SLC8A1: variants seen among roughly 807,000 people sequenced by gnomAD.
SLC8A1 encodes the protein sodium/calcium exchanger 1.
In SLC8A1, 18 loss-of-function variants were observed where a neutral mutation model predicts 68.3. The observed-to-expected ratio is 0.26, with a 90% CI of 0.18 to 0.39. SLC8A1 has a LOEUF of 0.39. Among genes scored for constraint, SLC8A1 ranks in the 10% least tolerant of loss-of-function variants. The pLI is 1.00. For missense variants in SLC8A1, 985 were observed against 1,156.7 expected, an observed-to-expected ratio of 0.85 and a Z score of 2.15; for synonymous variants, 475 against 415.5, an observed-to-expected ratio of 1.14 and a Z score of -1.74.
chr2:40,378,929 T>G (rs527880719), intron 2 of SLC8A1, among the ~76,000 whole-genome samples: 1 of 152,234 alleles, frequency 6.6e-6, no homozygotes, highest in South Asian at 2.1e-4. Flanking sequence ...CTGCCTAAGT[T>G]GTATTCATGC....
chr2:40,217,392 G>T (rs575227228), intron 2 of SLC8A1, among the ~76,000 whole-genome samples: 1 of 152,024 alleles, frequency 6.6e-6, no homozygotes, highest in Admixed American at 6.6e-5. Context: ...ATTACTGTAG[G>T]CTTGTAGTAT....
intron 2 of SLC8A1, among the ~76,000 whole-genome samples, chr2:40,311,358 A>T (rs2073631159): frequency 6.6e-6 from 1 of 152,118 alleles, no homozygotes; most frequent in Non-Finnish European, 1.5e-5. Flanking sequence ...ATAGAAAAAA[A>T]TCATTTTTTC....
At chr2:40,262,404 T>A (rs1325042767) in intron 2 of SLC8A1, among the ~76,000 whole-genome samples, 1 of 152,232 alleles carries the variant, frequency 6.6e-6, no homozygotes, top group Non-Finnish European at 1.5e-5. Flanking sequence ...TGAGGCTTTA[T>A]CATAACTAAA....
chr2:40,509,426 G>A (rs1158033059), intron 1 of SLC8A1, among the ~76,000 whole-genome samples: 4 of 147,956 alleles, frequency 2.7e-5, no homozygotes, highest in African/African-American at 9.9e-5. Context: ...ACCTGATCAA[G>A]GGGATTTGGA....
chr2:40,222,073 G>A (rs1050273213), intron 2 of SLC8A1, among the ~76,000 whole-genome samples: 55 of 151,990 alleles, frequency 3.6e-4, no homozygotes, highest in African/African-American at 1.3e-3. Flanking sequence ...ACAATCCTAA[G>A]CAGAAAGAAC....
chr2:40,225,174 C>T (rs1226708496), intron 2 of SLC8A1, among the ~76,000 whole-genome samples: 1 of 152,096 alleles, frequency 6.6e-6, no homozygotes, highest in Non-Finnish European at 1.5e-5. Flanking sequence ...TTACTGTCAG[C>T]AGGATATACA....
chr2:40,421,231 C>T (rs758913639), intron 2 of SLC8A1, among the ~76,000 whole-genome samples: 1 of 152,076 alleles, frequency 6.6e-6, no homozygotes, highest in African/African-American at 2.4e-5. Context: ...ACCAATATAT[C>T]CAAAATCACC....
intron 2 of SLC8A1, among the ~76,000 whole-genome samples, chr2:40,252,081 G>C (rs1008386301): frequency 1.3e-5 from 2 of 152,136 alleles, no homozygotes; most frequent in Non-Finnish European, 1.5e-5. Context: ...AGTGTTGATG[G>C]ATGAGCAAAC....
chr2:40,161,305 T>C (rs1237036590), intron 5 of SLC8A1, among the ~76,000 whole-genome samples: 1 of 152,186 alleles, frequency 6.6e-6, no homozygotes, highest in East Asian at 1.9e-4. Context: ...CTATTGTATT[T>C]TGTTTATCAA....
intron 2 of SLC8A1, among the ~76,000 whole-genome samples, chr2:40,180,742 C>T (rs1017633760): frequency 6.6e-6 from 1 of 152,078 alleles, no homozygotes; most frequent in African/African-American, 2.4e-5. Flanking sequence ...TGCAACCCAC[C>T]CTGCATCTCA....
At chr2:40,457,768 T>C (rs1246862824) in intron 1 of SLC8A1, among the ~76,000 whole-genome samples, 2 of 152,242 alleles carry the variant, frequency 1.3e-5, no homozygotes, top group Admixed American at 1.3e-4. Flanking sequence ...TTCCTAAGAA[T>C]GTCTTTATCA....
chr2:40,355,160 C>T (rs1329003578), intron 2 of SLC8A1, among the ~76,000 whole-genome samples: 1 of 152,126 alleles, frequency 6.6e-6, no homozygotes, highest in African/African-American at 2.4e-5. Flanking sequence ...AATTTGGCTG[C>T]AGAAACCCCT....
chr2:40,116,027 G>A (rs1462753295), intron 7 of SLC8A1, among the ~76,000 whole-genome samples: 2 of 152,196 alleles, frequency 1.3e-5, no homozygotes, highest in Non-Finnish European at 2.9e-5. Context: ...CATAATGACA[G>A]CGGCCCAGGA....
chr2:40,182,914 G>C (rs996805867), intron 2 of SLC8A1, among the ~76,000 whole-genome samples: 1 of 152,174 alleles, frequency 6.6e-6, no homozygotes, highest in African/African-American at 2.4e-5. Context: ...GGATGAAATG[G>C]AGGATTAAAG....
At chr2:40,416,839 A>C (rs1694027972) in intron 2 of SLC8A1, among the ~76,000 whole-genome samples, 1 of 152,014 alleles carries the variant, frequency 6.6e-6, no homozygotes. Context: ...TTAATTTAAA[A>C]GTAGTAACAA....
chr2:40,271,108 T>G (rs1259927201), intron 2 of SLC8A1, among the ~76,000 whole-genome samples: 2 of 152,094 alleles, frequency 1.3e-5, no homozygotes, highest in Non-Finnish European at 2.9e-5. Context: ...ACAATCACAG[T>G]ATGCCACTCC....
intron 1 of SLC8A1, among the ~76,000 whole-genome samples, chr2:40,478,255 A>AT (rs1189345807): frequency 6.6e-6 from 1 of 151,484 alleles, no homozygotes; most frequent in African/African-American, 2.4e-5. Context: ...GTCCATTACC[A>AT]TTTTTCTGAA....
intron 2 of SLC8A1, among the ~76,000 whole-genome samples, chr2:40,187,752 T>C (rs950189187): frequency 6.6e-6 from 1 of 152,198 alleles, no homozygotes; most frequent in African/African-American, 2.4e-5. Context: ...ACTACAGGGA[T>C]CCATAGTTAT....
At chr2:40,183,638 C>G (rs2050066456) in intron 2 of SLC8A1, among the ~76,000 whole-genome samples, 1 of 152,142 alleles carries the variant, frequency 6.6e-6, no homozygotes, top group South Asian at 2.1e-4. Flanking sequence ...CCCCAGATGA[C>G]TCTTATGTAT....
Sources: allele counts gnomAD v4.1 joint callset (sites outside exome capture counted in the v4.1 genomes callset), GRCh38; gene constraint gnomAD v4.1.1; transcripts MANE v1.5; gene names NCBI Gene and HGNC (gene_info 2026-07-23, HGNC 2026-07-21).